The following NSG2 variants were observed in gnomAD, a reference collection of about 807,000 sequenced individuals.
NSG2 encodes neuronal vesicle trafficking-associated protein 2.
A neutral mutation model predicts 16.9 loss-of-function variants in NSG2; 4 were observed. The observed-to-expected ratio is 0.24, with a 90% CI of 0.12 to 0.54. The LOEUF (loss-of-function observed/expected upper bound fraction) is 0.54. Among genes scored for constraint, NSG2 ranks in the 20% least tolerant of loss-of-function variants. The pLI, the probability that NSG2 is intolerant of heterozygous loss-of-function variation, is 0.95. For missense variants in NSG2, 179 were observed against 221.1 expected (o/e 0.81, Z 1.21); for synonymous variants, 98 against 88.7 (o/e 1.11, Z -0.59).
At chr5:174,058,977 A>T (rs1291523458) in intron 2 of NSG2, among the ~76,000 whole-genome samples, 1 of 152,186 alleles carries the variant, frequency 6.6e-6, no homozygotes, top group African/African-American at 2.4e-5. Flanking sequence ...CTGAAGCTAA[A>T]GGGACTATTT....
intron 3 of NSG2, among the ~76,000 whole-genome samples, chr5:174,065,653 C>G (rs1005229407): frequency 5.9e-5 from 9 of 152,144 alleles, no homozygotes; most frequent in Non-Finnish European, 1.2e-4. Context: ...GGTGGCAGAT[C>G]AGATAAGGGT....
intron 3 of NSG2, among the ~76,000 whole-genome samples, chr5:174,088,195 G>A (rs2113462680): frequency 6.6e-6 from 1 of 152,284 alleles, no homozygotes; most frequent in South Asian, 2.1e-4. Context: ...TCGGCGTTTT[G>A]GGGTGTGAGA....
intron 3 of NSG2, among the ~76,000 whole-genome samples, chr5:174,068,051 A>G (rs1760173437): frequency 1.3e-5 from 2 of 152,128 alleles, no homozygotes; most frequent in Non-Finnish European, 2.9e-5. Flanking sequence ...CAGGGAATTT[A>G]CAGTTAGAGA....
intron 3 of NSG2, among the ~76,000 whole-genome samples, chr5:174,098,339 T>C (rs904970613): frequency 6.6e-6 from 1 of 152,132 alleles, no homozygotes; most frequent in African/African-American, 2.4e-5. Context: ...GGGCTGCCTC[T>C]GTGGGGAGCT....
chr5:174,075,116 T>G (rs1691081544), intron 3 of NSG2, among the ~76,000 whole-genome samples: 1 of 152,278 alleles, frequency 6.6e-6, no homozygotes, highest in East Asian at 1.9e-4. Flanking sequence ...TAATAACAGC[T>G]TTATTTTATT....
chr5:174,076,557 A>T (rs1561667331), intron 3 of NSG2, among the ~76,000 whole-genome samples: 2 of 152,202 alleles, frequency 1.3e-5, no homozygotes. Context: ...GCTAAGAAAA[A>T]AAAATTTCTA....
intron 2 of NSG2, among the ~76,000 whole-genome samples, chr5:174,050,433 A>G (rs1373614156): frequency 6.6e-6 from 1 of 152,132 alleles, no homozygotes; most frequent in Non-Finnish European, 1.5e-5. Flanking sequence ...AGGTTATTTC[A>G]GTTAATCTTC....
intron 2 of NSG2, among the ~76,000 whole-genome samples, chr5:174,061,892 T>C (rs1009723894): frequency 6.7e-6 from 1 of 149,962 alleles, no homozygotes; most frequent in Non-Finnish European, 1.5e-5. Flanking sequence ...CGGGAGCCAC[T>C]GTGCCGAGCC....
intron 2 of NSG2, among the ~76,000 whole-genome samples, chr5:174,050,404 G>T (rs1359416377): frequency 1.3e-5 from 2 of 152,130 alleles, no homozygotes; most frequent in African/African-American, 4.8e-5. Context: ...GGCCAGGGAG[G>T]GGACTATGCA....
chr5:174,061,813 C>T (rs1017761265), intron 2 of NSG2, among the ~76,000 whole-genome samples: 13 of 151,932 alleles, frequency 8.6e-5, no homozygotes, highest in African/African-American at 2.7e-4. Context: ...CCATGTTGGC[C>T]AGGGTGGTCT....
chr5:174,059,881 T>C (rs1190405769), intron 2 of NSG2, among the ~76,000 whole-genome samples: 2 of 152,196 alleles, frequency 1.3e-5, no homozygotes, highest in South Asian at 2.1e-4. Flanking sequence ...ATCAAGACAC[T>C]AGTCAATACT....
intron 3 of NSG2, among the ~76,000 whole-genome samples, chr5:174,065,807 C>A (rs983307527): frequency 1.3e-5 from 2 of 152,204 alleles, no homozygotes; most frequent in African/African-American, 4.8e-5. Context: ...CTTATCCTAG[C>A]TGTGTGGCCA....
intron 2 of NSG2, among the ~76,000 whole-genome samples, chr5:174,048,779 A>C (rs1759839703): frequency 6.6e-6 from 1 of 152,114 alleles, no homozygotes; most frequent in Non-Finnish European, 1.5e-5. Context: ...ATAACCACTG[A>C]GTATCCAGTC....
rs752375646 is a variant in NSG2, at chr5:174,106,583, C to CTTT, written c.325-704_325-702dup. ...ACATGAATGTTGTTAGGAATGAAGC[C>CTTT]TTTTTTTTTTTTTTTTTTTTTTTTT... On this transcript the variant is annotated intron_variant, in intron 4 of 4. Coordinates refer to ENST00000303177, the MANE Select transcript of NSG2 (RefSeq NM_015980.5). 1.1e-3 allele frequency among the ~76,000 whole-genome samples: 105 copies of CTTT among 93,484 alleles called. 10 individuals carry two copies. The highest frequency in any genetic ancestry group is 3.5e-3 in the African/African-American group (81 of 23,476). 61.3% of individuals were successfully genotyped at this position (93,484 alleles called of 152,430 possible). A position where few individuals can be genotyped will look rare whatever the true frequency, so the allele number is the denominator to read the frequency against.
At chr5:174,098,064 G>T (rs1760834970) in intron 3 of NSG2, among the ~76,000 whole-genome samples, 1 of 152,100 alleles carries the variant, frequency 6.6e-6, no homozygotes, top group Non-Finnish European at 1.5e-5. Context: ...CTCCTATGGA[G>T]GAGGAACTGG....
intron 3 of NSG2, among the ~76,000 whole-genome samples, chr5:174,099,526 C>A (rs1378505140): frequency 9.2e-5 from 14 of 152,082 alleles, no homozygotes; most frequent in Admixed American, 6.5e-5. Context: ...ACATAATTCT[C>A]ACCTTGTCGC....
At chr5:174,084,556 C>T (rs1196084884) in intron 3 of NSG2, among the ~76,000 whole-genome samples, 1 of 152,218 alleles carries the variant, frequency 6.6e-6, no homozygotes, top group Non-Finnish European at 1.5e-5. Flanking sequence ...AAGAGCATTC[C>T]ATGCTCTCTG....
At chr5:174,064,172 AAAAG>A in intron 2 of NSG2, 56 bp from the exon 3 acceptor site, 2 of 1,238,548 alleles carry the variant, frequency 1.6e-6, no homozygotes, top group Middle Eastern at 2.0e-4. Flanking sequence ...TTACTGAAAA[AAAAG>A]AAAGGAAAAT....
chr5:174,064,955 C>T (rs1016031043), intron 3 of NSG2, among the ~76,000 whole-genome samples: 1 of 152,202 alleles, frequency 6.6e-6, no homozygotes, highest in Admixed American at 6.5e-5. Context: ...GAGAGTGCAG[C>T]TTGTGCAAAG....
Sources: allele counts gnomAD v4.1 joint callset (sites outside exome capture counted in the v4.1 genomes callset), GRCh38; gene constraint gnomAD v4.1.1; transcripts MANE v1.5; gene names NCBI Gene and HGNC (gene_info 2026-07-23, HGNC 2026-07-21).